The following AIG1 variants were observed in gnomAD, a reference collection of about 807,000 sequenced individuals.
AIG1 encodes androgen-induced gene 1 protein.
Under a neutral mutation model 31.4 loss-of-function variants are expected in AIG1, and 23 were observed. The ratio of observed to expected loss-of-function variants is 0.73; its 90% CI spans 0.53 to 1.04. The LOEUF is 1.04. Among genes scored for constraint, AIG1 ranks in the 50% least tolerant of loss-of-function variants. The pLI, the probability that AIG1 is intolerant of heterozygous loss-of-function variation, is 0.00. For synonymous variants in AIG1, 100 were observed against 110.5 expected (o/e 0.90, Z 0.60); for missense variants, 274 against 295.0 (o/e 0.93, Z 0.52).
At chr6:143,270,932 A>T (rs1796479919) in intron 3 of AIG1, among the ~76,000 whole-genome samples, 1 of 152,076 alleles carries the variant, frequency 6.6e-6, no homozygotes, top group African/African-American at 2.4e-5. Context: ...GTGCTTGCGT[A>T]TGTTTGCATG....
At chr6:143,205,902 G>T (rs1345225099) in intron 3 of AIG1, among the ~76,000 whole-genome samples, 1 of 152,194 alleles carries the variant, frequency 6.6e-6, no homozygotes, top group African/African-American at 2.4e-5. Context: ...AGTGCTTGAG[G>T]AATCAACTTT....
At chr6:143,116,507 G>A (rs2128495100) in intron 1 of AIG1, among the ~76,000 whole-genome samples, 1 of 152,026 alleles carries the variant, frequency 6.6e-6, no homozygotes, top group South Asian at 2.1e-4. Flanking sequence ...GGTGACGAAG[G>A]ATGTAAAAAC....
At chr6:143,324,692 T>C (rs1776465534) in intron 4 of AIG1, among the ~76,000 whole-genome samples, 1 of 152,218 alleles carries the variant, frequency 6.6e-6, no homozygotes, top group African/African-American at 2.4e-5. Flanking sequence ...CACATGTGCA[T>C]TCAGTGTGGT....
chr6:143,130,989 G>A lies in AIG1; in HGVS notation c.142-5846G>A, dbSNP rs138911494. Among the ~76,000 whole-genome samples the A allele has an allele frequency of 2.6e-3, 400 of 152,202 alleles. 4 individuals carry two copies. Among genetic ancestry groups the A allele is most frequent in the African/African-American group, 9.2e-3 (381 of 41,534 alleles). On this transcript the variant is annotated intron_variant, in intron 1 of 5. Coordinates refer to ENST00000357847, the MANE Select transcript of AIG1 (RefSeq NM_016108.4). Reference sequence around the variant, plus strand: ...GAACATGCTGGAAACCTACTTTAATGTTAGTGTAGTTACTTCAGCCTTCTT... The same window carrying A: ...GAACATGCTGGAAACCTACTTTAATATTAGTGTAGTTACTTCAGCCTTCTT...
intron 3 of AIG1, among the ~76,000 whole-genome samples, chr6:143,267,049 C>G (rs914265300): frequency 1.3e-5 from 2 of 152,224 alleles, no homozygotes; most frequent in Non-Finnish European, 2.9e-5. Context: ...CTGCTTCTCT[C>G]TCTTTCTTTT....
intron 4 of AIG1, among the ~76,000 whole-genome samples, chr6:143,332,637 A>AT (rs1354277364): frequency 4.6e-5 from 7 of 152,228 alleles, no homozygotes; most frequent in Non-Finnish European, 8.8e-5. Context: ...ATGGCAAGGT[A>AT]TCTGGCACAG....
chr6:143,202,172 G>A (rs1369361366), intron 3 of AIG1, among the ~76,000 whole-genome samples: 1 of 152,124 alleles, frequency 6.6e-6, no homozygotes, highest in Non-Finnish European at 1.5e-5. Flanking sequence ...TGCCATTGAT[G>A]TAAGAGGTAC....
intron 3 of AIG1, among the ~76,000 whole-genome samples, chr6:143,167,090 G>T (rs553320919): frequency 2.6e-5 from 4 of 152,276 alleles, no homozygotes; most frequent in Non-Finnish European, 5.9e-5. Context: ...AGATAAACCA[G>T]TCAATAATTA....
intron 4 of AIG1, among the ~76,000 whole-genome samples, chr6:143,321,523 G>A (rs1326225553): frequency 6.6e-6 from 1 of 151,970 alleles, no homozygotes; most frequent in East Asian, 1.9e-4. Context: ...TCTTGAACCT[G>A]GGAGGCAAAG....
intron 3 of AIG1, among the ~76,000 whole-genome samples, chr6:143,195,213 G>A (rs568424823): frequency 3.6e-4 from 55 of 152,178 alleles, no homozygotes; most frequent in Non-Finnish European, 6.6e-4. Flanking sequence ...GTTTCATGCT[G>A]AGTCTAGGGA....
intron 3 of AIG1, among the ~76,000 whole-genome samples, chr6:143,181,373 C>G (rs1339470608): frequency 6.6e-6 from 1 of 152,180 alleles, no homozygotes; most frequent in Non-Finnish European, 1.5e-5. Context: ...AACAATGAGT[C>G]AGATGCTTTC....
At chr6:143,282,294 A>G (rs1797388084) in intron 3 of AIG1, among the ~76,000 whole-genome samples, 1 of 152,214 alleles carries the variant, frequency 6.6e-6, no homozygotes, top group African/African-American at 2.4e-5. Context: ...CATTATCATC[A>G]GTGTAAAGGT....
intron 3 of AIG1, among the ~76,000 whole-genome samples, chr6:143,248,230 T>G (rs1283776777): frequency 1.3e-5 from 2 of 152,224 alleles, no homozygotes; most frequent in Non-Finnish European, 1.5e-5. Context: ...CAAGTAAAGT[T>G]AAAAACAAGG....
chr6:143,107,577 A>G (rs1024856922), intron 1 of AIG1, among the ~76,000 whole-genome samples: 3 of 152,172 alleles, frequency 2.0e-5, no homozygotes, highest in Non-Finnish European at 2.9e-5. Context: ...CCAACTGGCT[A>G]TATCTGGAAA....
chr6:143,194,851 C>A (rs1463431692), intron 3 of AIG1, among the ~76,000 whole-genome samples: 2 of 152,134 alleles, frequency 1.3e-5, no homozygotes, highest in Non-Finnish European at 2.9e-5. Flanking sequence ...TAGACCAGAA[C>A]CATAAAGAAA....
chr6:143,213,508 C>CTTTTTTTTTT (rs746350692), intron 3 of AIG1, among the ~76,000 whole-genome samples: 1 of 61,196 alleles, frequency 1.6e-5, no homozygotes, highest in Non-Finnish European at 3.5e-5. Flanking sequence ...TTTCTTTCTT[C>CTTTTTTTTTT]TTTTTTTTTT....
At chr6:143,230,998 A>T (rs1369508361) in intron 3 of AIG1, among the ~76,000 whole-genome samples, 2 of 152,240 alleles carry the variant, frequency 1.3e-5, no homozygotes, top group East Asian at 3.8e-4. Flanking sequence ...ACCTTGGGAA[A>T]GTCAGTTACA....
chr6:143,127,144 G>A (rs1241221789), intron 1 of AIG1, among the ~76,000 whole-genome samples: 1 of 152,130 alleles, frequency 6.6e-6, no homozygotes, highest in Non-Finnish European at 1.5e-5. Flanking sequence ...AGTTAGAAAA[G>A]AGACCAGGTC....
chr6:143,083,129 C>T (rs927137244), intron 1 of AIG1, among the ~76,000 whole-genome samples: 13 of 152,184 alleles, frequency 8.5e-5, no homozygotes, highest in South Asian at 2.1e-4. Flanking sequence ...TAATTTTAGC[C>T]GTAAGTGTTT....
Sources: gnomAD v4.1 joint callset for allele counts (sites outside exome capture counted in the v4.1 genomes callset) on GRCh38, gnomAD v4.1.1 for gene constraint, MANE v1.5 for transcripts, NCBI Gene and HGNC (gene_info 2026-07-23, HGNC 2026-07-21) for gene names.